The following NRG3 variants were observed in gnomAD, a reference collection of about 807,000 sequenced individuals.
NRG3 encodes pro-neuregulin-3, membrane-bound isoform.
Under a neutral mutation model 66.9 loss-of-function variants are expected in NRG3, and 31 were observed. The observed-to-expected ratio is 0.46, with a 90% CI of 0.35 to 0.63. NRG3 has a LOEUF of 0.63. Ranked by LOEUF, NRG3 falls within the 20% of genes least tolerant of loss-of-function variation. The pLI, the probability that NRG3 is intolerant of heterozygous loss-of-function variation, is 0.00. For synonymous variants in NRG3, 393 were observed against 359.4 expected (o/e 1.09, Z -1.06); for missense variants, 910 against 878.9 (o/e 1.04, Z -0.45).
chr10:81,990,304 A>C (rs142965033), intron 1 of NRG3, among the ~76,000 whole-genome samples: 2,367 of 152,304 alleles, frequency 0.016, 63 homozygotes, highest in African/African-American at 0.054. Flanking sequence ...GTTTACTCTC[A>C]TATTAAAAGT....
intron 2 of NRG3, among the ~76,000 whole-genome samples, chr10:82,397,146 A>C (rs2086767358): frequency 1.3e-5 from 2 of 152,138 alleles, no homozygotes; most frequent in Admixed American, 1.3e-4. Context: ...TCTTGGAAGG[A>C]AATGGTCTCC....
chr10:82,650,767 AT>A (rs1045072425), intron 2 of NRG3, among the ~76,000 whole-genome samples: 2 of 152,194 alleles, frequency 1.3e-5, no homozygotes, highest in Non-Finnish European at 2.9e-5. Context: ...TTTATTTGCT[AT>A]TTTTACAGAC....
intron 1 of NRG3, among the ~76,000 whole-genome samples, chr10:82,105,742 A>G (rs140260332): frequency 2.0e-5 from 3 of 152,358 alleles, no homozygotes; most frequent in Non-Finnish European, 4.4e-5. Context: ...TTACATGTCA[A>G]TATGAAAATA....
intron 2 of NRG3, among the ~76,000 whole-genome samples, chr10:82,386,228 A>T (rs528910252): frequency 6.6e-6 from 1 of 152,318 alleles, no homozygotes; most frequent in African/African-American, 2.4e-5. Context: ...TTGAAACTTT[A>T]ATTATATAAA....
intron 3 of NRG3, among the ~76,000 whole-genome samples, chr10:82,787,563 G>T (rs1418177729): frequency 6.6e-6 from 1 of 152,156 alleles, no homozygotes; most frequent in African/African-American, 2.4e-5. Context: ...AAGTATAAGA[G>T]ATATACCACC....
intron 2 of NRG3, among the ~76,000 whole-genome samples, chr10:82,652,240 G>T (rs938753532): frequency 2.0e-5 from 3 of 152,178 alleles, no homozygotes; most frequent in Admixed American, 2.0e-4. Flanking sequence ...AGAGGCAGCT[G>T]CCTTCCACCG....
chr10:82,691,041 C>T (rs1456197492), intron 2 of NRG3, among the ~76,000 whole-genome samples: 3 of 151,590 alleles, frequency 2.0e-5, no homozygotes, highest in Admixed American at 2.0e-4. Flanking sequence ...TTTTATTTTC[C>T]TTCCCCCTCT....
chr10:82,872,861 A>C (rs1308751085), intron 4 of NRG3, among the ~76,000 whole-genome samples: 4 of 152,278 alleles, frequency 2.6e-5, no homozygotes, highest in African/African-American at 9.6e-5. Flanking sequence ...GTGCAAATCT[A>C]TACCGGCCCC....
intron 2 of NRG3, among the ~76,000 whole-genome samples, chr10:82,704,292 T>A (rs941899713): frequency 1.6e-4 from 25 of 152,028 alleles, no homozygotes; most frequent in African/African-American, 5.8e-4. Flanking sequence ...TATTTCCCGA[T>A]TAAATGTTCA....
At chr10:82,109,563 GTGTGTGTGTGTGTGTATA>G (rs1024547068) in intron 1 of NRG3, among the ~76,000 whole-genome samples, 7 of 135,242 alleles carry the variant, frequency 5.2e-5, no homozygotes, top group African/African-American at 2.1e-4. Flanking sequence ...GTGTGTGTGT[GTGTGTGTGTGTGTGTATA>G]TATATATTTT....
intron 3 of NRG3, among the ~76,000 whole-genome samples, chr10:82,834,896 C>T (rs2062702213): frequency 6.6e-6 from 1 of 152,186 alleles, no homozygotes; most frequent in African/African-American, 2.4e-5. Context: ...AGGTAAGATT[C>T]TCCTCTGGTT....
intron 1 of NRG3, among the ~76,000 whole-genome samples, chr10:82,199,889 C>CGTGTGTGTGT (rs71007301): frequency 7.0e-6 from 1 of 142,704 alleles, no homozygotes; most frequent in Admixed American, 7.5e-5. Flanking sequence ...TGTGTGTGTG[C>CGTGTGTGTGT]GTGTGTGTGT....
intron 2 of NRG3, among the ~76,000 whole-genome samples, chr10:82,617,337 C>G (rs1378348644): frequency 1.3e-5 from 2 of 150,694 alleles, no homozygotes; most frequent in Non-Finnish European, 3.0e-5. Flanking sequence ...CACACACACA[C>G]AGACACACAC....
At chr10:82,685,130 G>A (rs997736664) in intron 2 of NRG3, among the ~76,000 whole-genome samples, 1 of 147,458 alleles carries the variant, frequency 6.8e-6, no homozygotes, top group East Asian at 1.9e-4. Context: ...TGGCCGAATA[G>A]ACAGAGGCCC....
At chr10:82,460,134 T>A (rs1009948448) in intron 2 of NRG3, among the ~76,000 whole-genome samples, 5 of 152,176 alleles carry the variant, frequency 3.3e-5, no homozygotes, top group Admixed American at 3.3e-4. Flanking sequence ...TCCATCCCTT[T>A]GCCATTTTTC....
chr10:82,170,488 A>T (rs988549307), intron 1 of NRG3, among the ~76,000 whole-genome samples: 51 of 151,508 alleles, frequency 3.4e-4, no homozygotes, highest in Admixed American at 3.3e-3. Flanking sequence ...TATTTTCTCC[A>T]TGAAAATCCA....
intron 1 of NRG3, among the ~76,000 whole-genome samples, chr10:82,183,510 C>T (rs2073577985): frequency 6.6e-6 from 1 of 152,038 alleles, no homozygotes; most frequent in Non-Finnish European, 1.5e-5. Context: ...ACTATATCTT[C>T]TATATTTTTG....
intron 1 of NRG3, among the ~76,000 whole-genome samples, chr10:82,180,985 C>A (rs547232487): frequency 6.6e-6 from 1 of 151,776 alleles, no homozygotes; most frequent in South Asian, 2.1e-4. Context: ...TTTTTCATTT[C>A]TTTCTAATTT....
At chr10:82,769,970 TG>T (rs2059655282) in intron 3 of NRG3, among the ~76,000 whole-genome samples, 1 of 152,106 alleles carries the variant, frequency 6.6e-6, no homozygotes, top group Non-Finnish European at 1.5e-5. Flanking sequence ...GATTGAATCC[TG>T]AGTCTGTAAC....
Sources: allele counts gnomAD v4.1 joint callset (sites outside exome capture counted in the v4.1 genomes callset), GRCh38; gene constraint gnomAD v4.1.1; transcripts MANE v1.5; gene names NCBI Gene and HGNC (gene_info 2026-07-23, HGNC 2026-07-21).